The following LMBR1 variants were observed in gnomAD, a reference collection of about 807,000 sequenced individuals.
The protein encoded by LMBR1 is limb development membrane protein 1, also known as limb region 1 protein homolog.
Under a neutral mutation model 73.9 loss-of-function variants are expected in LMBR1, and 52 were observed. The observed-to-expected ratio is 0.70, with a 90% CI of 0.56 to 0.89. The LOEUF (loss-of-function observed/expected upper bound fraction) is 0.89. LMBR1 is among the 40% of genes least tolerant of loss of function. The pLI is 0.00. For missense variants in LMBR1, 539 were observed against 579.8 expected (o/e 0.93, Z 0.72); for synonymous variants, 215 against 209.4 (o/e 1.03, Z -0.23).
intron 15 of LMBR1, among the ~76,000 whole-genome samples, chr7:156,718,598 G>A (rs73166103): frequency 0.039 from 5,853 of 151,882 alleles, 152 homozygotes; most frequent in Non-Finnish European, 0.045. Context: ...TGGTGGTGTG[G>A]TGTAAGTAGC....
chr7:156,876,558 C>T (rs1800207904), intron 1 of LMBR1, among the ~76,000 whole-genome samples: 2 of 152,034 alleles, frequency 1.3e-5, no homozygotes, highest in African/African-American at 2.4e-5. Flanking sequence ...CAAGACAGAC[C>T]GTATGATAGG....
chr7:156,766,500 C>T lies in LMBR1; in HGVS notation c.424-2705G>A, dbSNP rs77197323. Among the ~76,000 whole-genome samples, 8 of 152,168 alleles carry T rather than the reference C, an allele frequency of 5.3e-5. No individual in the cohort carries two copies. In the East Asian group the frequency reaches 1.4e-3, roughly 26 times the overall value. On this transcript the variant is annotated intron_variant, in intron 5 of 16. Coordinates refer to ENST00000353442, the MANE Select transcript of LMBR1 (RefSeq NM_022458.4). Reference sequence around the variant, plus strand: ...GTTTACAACTAGCATCCATGAAACTCGGAGACTAACTTGTTAGTTTGCAAG... The same window carrying T: ...GTTTACAACTAGCATCCATGAAACTTGGAGACTAACTTGTTAGTTTGCAAG...
chr7:156,676,663 G>A, downstream of LMBR1: 1 of 1,605,038 alleles, frequency 6.2e-7, no homozygotes, highest in Non-Finnish European at 8.5e-7. Context: ...TGAATTCATA[G>A]TCAAGGAAAG....
chr7:156,864,518 C>T (rs1295631533), intron 1 of LMBR1, among the ~76,000 whole-genome samples: 2 of 152,006 alleles, frequency 1.3e-5, no homozygotes, highest in African/African-American at 4.8e-5. Context: ...CGAATGAAGA[C>T]TCAATAAATG....
intron 4 of LMBR1, among the ~76,000 whole-genome samples, chr7:156,806,985 C>T (rs77990654): frequency 0.047 from 7,194 of 152,164 alleles, 195 homozygotes; most frequent in South Asian, 0.086. Context: ...GAAATGGATA[C>T]TGAATTTTGT....
chr7:156,819,135 C>A (rs1834368006), intron 4 of LMBR1, among the ~76,000 whole-genome samples: 2 of 152,190 alleles, frequency 1.3e-5, no homozygotes, highest in African/African-American at 4.8e-5. Flanking sequence ...ATACATCTTG[C>A]TTACATGACA....
intron 4 of LMBR1, among the ~76,000 whole-genome samples, chr7:156,818,362 A>G (rs1352074008): frequency 1.3e-5 from 2 of 152,166 alleles, no homozygotes; most frequent in Admixed American, 1.3e-4. Context: ...TTAACAGACA[A>G]TCTCAAACTG....
chr7:156,695,847 G>GA (rs926304961), intron 15 of LMBR1, among the ~76,000 whole-genome samples: 86 of 122,986 alleles, frequency 7.0e-4, no homozygotes, highest in Admixed American at 4.2e-3. Context: ...CTGATGTAAA[G>GA]AAAAAAAAAG....
At position 156,725,834 on chromosome 7, in the gene LMBR1, G is replaced by A; in HGVS notation, c.997C>T (p.Pro333Ser). The part of the protein sequence containing the change: ...ETAMPKGTRG[P>S]GIGNASLSTF... Reference sequence around the variant, plus strand: ...GAAAGAGAGGCATTTCCTATTCCAGGCCCCTGGGGTGGGAGAAAGACACTT... The same window carrying A: ...GAAAGAGAGGCATTTCCTATTCCAGACCCCTGGGGTGGGAGAAAGACACTT... The change falls in exon 13 of 17, where the codon CCT (proline) becomes TCT (serine). Residue 333 changes from proline to serine, a missense_variant. Physicochemically the swap from Pro to Ser is moderately conservative, Grantham distance 74. This residue lies in a region of LMBR1 where 454 missense variants were observed against 473.4 expected (regional missense o/e 0.96). Transcript: ENST00000353442. The A allele has an allele frequency of 1.2e-6, 2 of 1,612,388 alleles. No homozygotes were observed. The highest frequency in any genetic ancestry group is 1.7e-6 in the Non-Finnish European group (2 of 1,179,254).
chr7:156,774,692 C>T (rs140001396), intron 5 of LMBR1, among the ~76,000 whole-genome samples: 2 of 152,068 alleles, frequency 1.3e-5, no homozygotes, highest in South Asian at 4.1e-4. Context: ...ATTAGCCGGG[C>T]GTGGTGGCGG....
intron 15 of LMBR1, among the ~76,000 whole-genome samples, chr7:156,701,930 CATCCATATCCAGGCAAAGGACAT>C (rs1809815012): frequency 6.6e-6 from 1 of 152,178 alleles, no homozygotes; most frequent in Admixed American, 6.5e-5. Flanking sequence ...CTTCCAACTC[CATCCATATCCAGGCAAAGGACAT>C]GATCTTGTTC....
chr7:156,804,241 T>C (rs1301029564), intron 4 of LMBR1, among the ~76,000 whole-genome samples: 1 of 152,234 alleles, frequency 6.6e-6, no homozygotes, highest in Non-Finnish European at 1.5e-5. Context: ...TTCTGTTATC[T>C]AGCACAACTA....
At chr7:156,719,390 A>C (rs1372965156) in intron 15 of LMBR1, among the ~76,000 whole-genome samples, 1 of 152,138 alleles carries the variant, frequency 6.6e-6, no homozygotes, top group Non-Finnish European at 1.5e-5. Context: ...ATTGTTGGAC[A>C]TTTGGATTGG....
intron 1 of LMBR1, among the ~76,000 whole-genome samples, chr7:156,863,389 A>T (rs894754357): frequency 6.6e-6 from 1 of 151,696 alleles, no homozygotes; most frequent in African/African-American, 2.4e-5. Flanking sequence ...ATGGCAGCTG[A>T]TTAGATGGTG....
intron 1 of LMBR1, among the ~76,000 whole-genome samples, chr7:156,850,102 G>T (rs1471702909): frequency 4.6e-5 from 7 of 152,218 alleles, no homozygotes; most frequent in African/African-American, 1.7e-4. Flanking sequence ...CAACAGTGTT[G>T]AGGTGGGGCT....
chr7:156,868,102 A>G (rs777926289), intron 1 of LMBR1, among the ~76,000 whole-genome samples: 1 of 152,138 alleles, frequency 6.6e-6, no homozygotes, highest in Non-Finnish European at 1.5e-5. Flanking sequence ...GTGCACCTTA[A>G]GTCCAAATGA....
At chr7:156,731,508 T>C (rs1816826108) in intron 10 of LMBR1, among the ~76,000 whole-genome samples, 1 of 152,170 alleles carries the variant, frequency 6.6e-6, no homozygotes, top group Admixed American at 6.6e-5. Context: ...GGAAAATCTT[T>C]AAAGCCCTTT....
intron 5 of LMBR1, among the ~76,000 whole-genome samples, chr7:156,792,320 T>TATC (rs1289530613): frequency 4.6e-5 from 7 of 152,216 alleles, no homozygotes; most frequent in Admixed American, 2.0e-4. Context: ...GGAACCTTTT[T>TATC]ATCAGTTGAA....
At chr7:156,881,031 C>A (rs913635684) in intron 1 of LMBR1, among the ~76,000 whole-genome samples, 1 of 152,060 alleles carries the variant, frequency 6.6e-6, no homozygotes, top group Non-Finnish European at 1.5e-5. Flanking sequence ...CTATAAATAG[C>A]CAAATTAATC....
Sources: gnomAD v4.1 joint callset for allele counts (sites outside exome capture counted in the v4.1 genomes callset) on GRCh38, gnomAD v4.1.1 for gene constraint, gnomAD v4.1.1 regional missense constraint, MANE v1.5 for transcripts, NCBI Gene and HGNC (gene_info 2026-07-23, HGNC 2026-07-21) for gene names.